Variants in SDK1 observed in about 807,000 individuals in gnomAD.
The protein encoded by SDK1 is sidekick cell adhesion molecule 1.
A neutral mutation model predicts 245.5 loss-of-function variants in SDK1; 157 were observed. The ratio of observed to expected loss-of-function variants is 0.64; its 90% CI spans 0.56 to 0.73. The LOEUF (loss-of-function observed/expected upper bound fraction) is 0.73. Ranked by LOEUF, SDK1 falls within the 30% of genes least tolerant of loss-of-function variation. The pLI, the probability that SDK1 is intolerant of heterozygous loss-of-function variation, is 0.00. For missense variants in SDK1, 3,583 were observed against 3,002.3 expected (o/e 1.19, Z -4.52); for synonymous variants, 1,647 against 1,278.5 (o/e 1.29, Z -6.15).
At chr7:3,886,979 C>G (rs1187635614) in intron 5 of SDK1, among the ~76,000 whole-genome samples, 3 of 152,188 alleles carry the variant, frequency 2.0e-5, no homozygotes, top group Non-Finnish European at 4.4e-5. Flanking sequence ...TTGCAGCCTA[C>G]TCTGAAGAGA....
At chr7:3,398,262 A>G (rs1166028619) in intron 1 of SDK1, among the ~76,000 whole-genome samples, 2 of 151,974 alleles carry the variant, frequency 1.3e-5, no homozygotes, top group African/African-American at 4.8e-5. Context: ...CCTTGCAGCT[A>G]TTTTAGTTGT....
chr7:3,404,206 TTAAAG>T (rs1214304097), intron 1 of SDK1, among the ~76,000 whole-genome samples: 1 of 152,032 alleles, frequency 6.6e-6, no homozygotes, highest in African/African-American at 2.4e-5. Flanking sequence ...ATTTTACAAA[TTAAAG>T]CCCTCAATTT....
At chr7:3,635,575 A>G (rs1293145883) in intron 2 of SDK1, among the ~76,000 whole-genome samples, 2 of 152,230 alleles carry the variant, frequency 1.3e-5, no homozygotes, top group Non-Finnish European at 1.5e-5. Context: ...CTCTGGTTAT[A>G]CTTTGTAAAA....
chr7:3,464,904 A>AT (rs980489376), intron 1 of SDK1, among the ~76,000 whole-genome samples: 15 of 151,852 alleles, frequency 9.9e-5, no homozygotes, highest in East Asian at 9.7e-4. Flanking sequence ...CATTTATGTG[A>AT]TTTTTTTTCC....
chr7:4,091,660 T>A (rs1284088048), intron 22 of SDK1, among the ~76,000 whole-genome samples: 1 of 152,086 alleles, frequency 6.6e-6, no homozygotes, highest in African/African-American at 2.4e-5. Flanking sequence ...GGTATGCTTT[T>A]AACAATGATG....
intron 43 of SDK1, among the ~76,000 whole-genome samples, chr7:4,243,097 A>G (rs966128983): frequency 3.9e-5 from 6 of 152,230 alleles, no homozygotes; most frequent in Non-Finnish European, 1.5e-5. Flanking sequence ...AACCACATGT[A>G]GTTTCAAGGC....
chr7:4,096,514 T>A (rs1445697473), intron 22 of SDK1, among the ~76,000 whole-genome samples: 1 of 152,156 alleles, frequency 6.6e-6, no homozygotes, highest in Non-Finnish European at 1.5e-5. Flanking sequence ...TCTGTAAGCC[T>A]CAGTTTCTTC....
chr7:4,060,959 T>C (rs144211353), intron 19 of SDK1, among the ~76,000 whole-genome samples: 39,044 of 151,442 alleles, frequency 0.26, 7,646 homozygotes, highest in African/African-American at 0.56. Context: ...TGTAGATATG[T>C]GGTGTTATTT....
Position 3,619,134 on chromosome 7 carries a change from A to G in SDK1, c.353A>G (p.Glu118Gly), listed in dbSNP as rs1395235281. 18 of 1,613,784 alleles carry G rather than the reference A, an allele frequency of 1.1e-5. No homozygotes were observed. Among genetic ancestry groups the G allele is most frequent in the Non-Finnish European group, 1.4e-5 (17 of 1,179,822 alleles). Residue 118 changes from glutamate to glycine, a missense_variant, in exon 2 of 45, where the codon GAA becomes GGA. Physicochemically the swap from Glu to Gly is moderately conservative, Grantham distance 98. Coordinates refer to ENST00000404826, the MANE Select transcript of SDK1 (RefSeq NM_152744.4). ...CCAGGCCTACCACAGATCCACCTGG[A>G]AGGGAACCGCCTTGTTCTCACCTGC... ...TEPGLPQIHLEGNRLVLTCLA... is the reference protein window; with the variant it reads ...TEPGLPQIHLGGNRLVLTCLA...
Position 3,967,342 on chromosome 7 carries a change from G to A in SDK1, c.1454G>A (p.Arg485Gln), listed in dbSNP as rs138588265. The A allele has an allele frequency of 5.9e-4, 952 of 1,614,034 alleles. 9 individuals are homozygous for A. The South Asian group carries it at 9.8e-3, about 17-fold the overall frequency. Residue 485 changes from arginine (R) to glutamine (Q), a missense_variant, in exon 10 of 45, where the codon CGG becomes CAG. Physicochemically the swap from Arg to Gln is conservative, Grantham distance 43. Coordinates refer to ENST00000404826, the MANE Select transcript of SDK1 (RefSeq NM_152744.4). ...GATATCGCTCCAGTGTTCACCCAGC[G>A]GCCAGTGGACACCACAGTTACTGAC... ...VTNIAPVFTQRPVDTTVTDGM... is the reference protein window; with the variant it reads ...VTNIAPVFTQQPVDTTVTDGM...
Position 4,066,574 on chromosome 7 carries a change from G to A in SDK1, c.2912-1264G>A, listed in dbSNP as rs114678300. Reference sequence around the variant, plus strand: ...GCAGGGCTTGGGAGTAACGGCATCCGGGAGAACATCACCATCAGGACATCC... The same window carrying A: ...GCAGGGCTTGGGAGTAACGGCATCCAGGAGAACATCACCATCAGGACATCC... On this transcript the variant is annotated intron_variant, in intron 19 of 44. Transcript: ENST00000404826. Among the ~76,000 whole-genome samples the A allele has an allele frequency of 4.2e-3, 636 of 152,288 alleles. 4 individuals carry two copies. Among genetic ancestry groups the A allele is most frequent in the African/African-American group, 0.014 (565 of 41,560 alleles).
intron 5 of SDK1, among the ~76,000 whole-genome samples, chr7:3,865,322 T>C (rs1439548290): frequency 6.6e-6 from 1 of 152,134 alleles, no homozygotes; most frequent in African/African-American, 2.4e-5. Context: ...AAGGAGAGAA[T>C]GCAGAAGGGC....
rs372256124 is a variant in SDK1, at chr7:4,260,623, G to A, written c.6382-4501G>A. On this transcript the variant is annotated intron_variant, in intron 44 of 44. Coordinates refer to ENST00000404826, the MANE Select transcript of SDK1 (RefSeq NM_152744.4). ...GAAGATGTGTTCATCGTCACCTGAT[G>A]GAGAAGCTGGCTGCTCCGGGGTCTC... 1.4e-4 allele frequency among the ~76,000 whole-genome samples: 21 copies of A among 145,404 alleles called. No homozygotes were observed. In the East Asian group the frequency reaches 2.1e-3, roughly 15 times the overall value.
chr7:3,477,118 T>G (rs1212909892), intron 1 of SDK1, among the ~76,000 whole-genome samples: 1 of 152,040 alleles, frequency 6.6e-6, no homozygotes, highest in African/African-American at 2.4e-5. Flanking sequence ...CTTCCTTGTT[T>G]AAGCTAGTTG....
intron 1 of SDK1, among the ~76,000 whole-genome samples, chr7:3,525,880 C>G (rs1296309033): frequency 6.6e-6 from 1 of 151,522 alleles, no homozygotes. Flanking sequence ...CACATTTTAC[C>G]AAGCACTTAA....
intron 1 of SDK1, among the ~76,000 whole-genome samples, chr7:3,607,380 T>C (rs1349763486): frequency 6.6e-6 from 1 of 152,206 alleles, no homozygotes; most frequent in Non-Finnish European, 1.5e-5. Context: ...AAAAGAAATA[T>C]GTGCGTTAGT....
At chr7:4,067,022 G>T (rs1238046917) in intron 19 of SDK1, among the ~76,000 whole-genome samples, 1 of 152,202 alleles carries the variant, frequency 6.6e-6, no homozygotes, top group East Asian at 1.9e-4. Context: ...AGCGGCTGAT[G>T]ATCATGGAAC....
intron 4 of SDK1, among the ~76,000 whole-genome samples, chr7:3,741,991 T>TAC (rs2115053404): frequency 7.0e-6 from 1 of 142,726 alleles, no homozygotes; most frequent in Admixed American, 6.9e-5. Flanking sequence ...AGTGTGCATA[T>TAC]ATATATATAT....
intron 4 of SDK1, among the ~76,000 whole-genome samples, chr7:3,803,204 G>T (rs1779148957): frequency 1.3e-5 from 2 of 152,028 alleles, no homozygotes; most frequent in South Asian, 4.1e-4. Context: ...GGCTAGTGAT[G>T]CTCAACACTT....
Sources: allele counts gnomAD v4.1 joint callset (sites outside exome capture counted in the v4.1 genomes callset), GRCh38; gene constraint gnomAD v4.1.1; transcripts MANE v1.5; gene names NCBI Gene and HGNC (gene_info 2026-07-23, HGNC 2026-07-21).